The following UBR3 variants were observed in gnomAD, a reference collection of about 807,000 sequenced individuals.
UBR3 encodes the protein E3 ubiquitin-protein ligase UBR3.
A neutral mutation model predicts 243.2 loss-of-function variants in UBR3; 85 were observed. That is an observed-to-expected ratio of 0.35 (90% CI 0.29 to 0.42). The LOEUF (loss-of-function observed/expected upper bound fraction) is 0.42, where lower values mean the gene tolerates loss of function less well. Among genes scored for constraint, UBR3 ranks in the 10% least tolerant of loss-of-function variants. UBR3 has a pLI of 1.00. For missense variants in UBR3, 1,686 were observed against 2,300.8 expected (o/e 0.73, Z 5.47); for synonymous variants, 748 against 799.8 (o/e 0.94, Z 1.09).
intron 25 of UBR3, among the ~76,000 whole-genome samples, chr2:169,992,327 T>C (rs1043624786): frequency 1.3e-5 from 2 of 152,184 alleles, no homozygotes; most frequent in African/African-American, 4.8e-5. Flanking sequence ...CTATCAGTCA[T>C]TTAAAGAATT....
At chr2:170,019,868 T>C (rs1200805473) in intron 30 of UBR3, among the ~76,000 whole-genome samples, 1 of 152,128 alleles carries the variant, frequency 6.6e-6, no homozygotes, top group Non-Finnish European at 1.5e-5. Context: ...CTCGAACTCC[T>C]GGGCTCAAGC....
chr2:169,912,551 G>C (rs544843867), intron 10 of UBR3, among the ~76,000 whole-genome samples: 1 of 152,132 alleles, frequency 6.6e-6, no homozygotes, highest in East Asian at 1.9e-4. Flanking sequence ...TCATTCCTTT[G>C]TCTGGCTAAT....
intron 3 of UBR3, among the ~76,000 whole-genome samples, chr2:169,877,216 A>G (rs1411420122): frequency 1.3e-5 from 2 of 152,184 alleles, no homozygotes; most frequent in Non-Finnish European, 2.9e-5. Flanking sequence ...AGTTCGGATC[A>G]TGTCTTATTA....
At chr2:170,015,164 T>A in intron 29 of UBR3, 117 bp from the exon 30 acceptor site, 3 of 776,840 alleles carry the variant, frequency 3.9e-6, no homozygotes, top group Non-Finnish European at 6.0e-6. Flanking sequence ...TAAAAACTGC[T>A]TTTGCAAAAA....
At chr2:169,833,841 G>A (rs1391056045) in intron 1 of UBR3, among the ~76,000 whole-genome samples, 1 of 151,726 alleles carries the variant, frequency 6.6e-6, no homozygotes, top group African/African-American at 2.4e-5. Flanking sequence ...GAGTGCAGTG[G>A]TGTGATATCA....
At chr2:169,873,870 G>C (rs1428521339) in intron 2 of UBR3, among the ~76,000 whole-genome samples, 1 of 152,018 alleles carries the variant, frequency 6.6e-6, no homozygotes, top group Non-Finnish European at 1.5e-5. Context: ...TTGTATTACA[G>C]GTGTCCTATT....
chr2:170,055,555 G>C lies in UBR3; in HGVS notation c.4756G>C (p.Ala1586Pro). 1 of 1,613,620 alleles carries C rather than the reference G, an allele frequency of 6.2e-7. No homozygotes were observed. The highest frequency in any genetic ancestry group is 8.5e-7 in the Non-Finnish European group (1 of 1,179,640). ...TAAATGCAGCGAAGAAGATAGGTCA[G>C]CCTGGAAACACGCGGGAGCTCTCAA... is the stretch of plus-strand genomic sequence containing the variant. Reference protein sequence around the residue: ...SVKCSEEDRSAWKHAGALKKS... With the variant: ...SVKCSEEDRSPWKHAGALKKS... The change falls in exon 33 of 39, where the codon GCC (alanine) becomes CCC (proline). Residue 1586 changes from alanine (A) to proline (P), a missense_variant. Physicochemically the swap from Ala to Pro is conservative, Grantham distance 27. Coordinates refer to ENST00000272793, the MANE Select transcript of UBR3 (RefSeq NM_172070.4).
intron 26 of UBR3, 110 bp downstream of exon 26, chr2:169,994,566 G>T: frequency 7.7e-7 from 1 of 1,297,056 alleles, no homozygotes. Flanking sequence ...AAATTTGAAA[G>T]TTTATTAGAA....
intron 19 of UBR3, among the ~76,000 whole-genome samples, chr2:169,935,470 AAT>A (rs1452421007): frequency 6.6e-6 from 1 of 152,196 alleles, no homozygotes; most frequent in Non-Finnish European, 1.5e-5. Flanking sequence ...TGCCCAGTGA[AAT>A]ATGTCTGACA....
At chr2:170,053,091 T>G (rs13402308) in intron 32 of UBR3, among the ~76,000 whole-genome samples, 1 of 151,954 alleles carries the variant, frequency 6.6e-6, no homozygotes, top group African/African-American at 2.4e-5. Context: ...CTGGAAAGAA[T>G]TAACATAGAA....
At chr2:169,962,332 C>T (rs1275699644) in intron 24 of UBR3, among the ~76,000 whole-genome samples, 1 of 151,992 alleles carries the variant, frequency 6.6e-6, no homozygotes. Context: ...GCCTCGGCCT[C>T]CCAAAGTCCA....
intron 27 of UBR3, among the ~76,000 whole-genome samples, chr2:170,001,979 C>T (rs963970342): frequency 1.4e-5 from 2 of 145,228 alleles, no homozygotes; most frequent in African/African-American, 5.1e-5. Flanking sequence ...AACTGACTTT[C>T]ATGGCTGCAC....
chr2:170,021,393 T>G (rs1465427067), intron 30 of UBR3, among the ~76,000 whole-genome samples: 1 of 152,144 alleles, frequency 6.6e-6, no homozygotes, highest in Non-Finnish European at 1.5e-5. Context: ...GCAGATTTGG[T>G]GTCTGGTGAG....
At chr2:169,952,996 A>G (rs2087108697) in intron 23 of UBR3, among the ~76,000 whole-genome samples, 1 of 152,168 alleles carries the variant, frequency 6.6e-6, no homozygotes, top group African/African-American at 2.4e-5. Flanking sequence ...GTTATATAAT[A>G]GTATATCCTT....
At chr2:169,951,871 G>T (rs2087047982) in intron 23 of UBR3, among the ~76,000 whole-genome samples, 1 of 152,122 alleles carries the variant, frequency 6.6e-6, no homozygotes, top group African/African-American at 2.4e-5. Flanking sequence ...TGAGAAATGA[G>T]GGAGATGTCT....
chr2:170,004,882 G>T (rs755024224), intron 27 of UBR3, among the ~76,000 whole-genome samples: 2 of 151,916 alleles, frequency 1.3e-5, no homozygotes, highest in Non-Finnish European at 2.9e-5. Context: ...TTGCACTCCA[G>T]CCTGGGCAAC....
chr2:169,882,537 T>A (rs1217753965), intron 5 of UBR3, among the ~76,000 whole-genome samples: 1 of 150,920 alleles, frequency 6.6e-6, no homozygotes, highest in East Asian at 1.9e-4. Flanking sequence ...AGTCAGGAGT[T>A]TGACACCAGC....
intron 19 of UBR3, among the ~76,000 whole-genome samples, chr2:169,939,849 G>A (rs60945345): frequency 0.054 from 8,261 of 152,198 alleles, 405 homozygotes; most frequent in African/African-American, 0.13. Flanking sequence ...ACAGGTGTGA[G>A]CCACTATGCC....
At chr2:169,912,277 T>C (rs2085283623) in intron 10 of UBR3, among the ~76,000 whole-genome samples, 1 of 152,232 alleles carries the variant, frequency 6.6e-6, no homozygotes, top group Admixed American at 6.5e-5. Context: ...CAGTGGTTTA[T>C]AGTGTATTCA....
Sources: allele counts gnomAD v4.1 joint callset (sites outside exome capture counted in the v4.1 genomes callset), GRCh38; gene constraint gnomAD v4.1.1; transcripts MANE v1.5; gene names NCBI Gene and HGNC (gene_info 2026-07-23, HGNC 2026-07-21).